CAMK2D: variants seen among roughly 807,000 people sequenced by gnomAD.
The protein encoded by CAMK2D is calcium/calmodulin dependent protein kinase II delta.
CAMK2D carries 37 observed loss-of-function variants against 84.0 expected under a neutral mutation model. The observed-to-expected ratio is 0.44, with a 90% confidence interval of 0.34 to 0.58. The LOEUF is 0.58. Among genes scored for constraint, CAMK2D ranks in the 20% least tolerant of loss-of-function variants. CAMK2D has a pLI of 0.02. For synonymous variants in CAMK2D, 202 were observed against 212.5 expected, an observed-to-expected ratio of 0.95 and a Z score of 0.43; for missense variants, 448 against 652.5, an observed-to-expected ratio of 0.69 and a Z score of 3.41.
chr4:113,523,931 A>G (rs985203321), intron 8 of CAMK2D, among the ~76,000 whole-genome samples: 2 of 152,070 alleles, frequency 1.3e-5, no homozygotes, highest in African/African-American at 4.8e-5. Context: ...TGGCATGAAC[A>G]TGGCTCACTG....
chr4:113,616,179 A>ATCCTATT (rs2099020193), intron 3 of CAMK2D, among the ~76,000 whole-genome samples: 2 of 152,184 alleles, frequency 1.3e-5, no homozygotes, highest in South Asian at 4.1e-4. Flanking sequence ...CTTAATAGGA[A>ATCCTATT]TGAAAATTAA....
At chr4:113,640,489 C>T (rs2099128180) in intron 3 of CAMK2D, among the ~76,000 whole-genome samples, 1 of 152,154 alleles carries the variant, frequency 6.6e-6, no homozygotes, top group African/African-American at 2.4e-5. Context: ...AATCCCCATC[C>T]TCAGAGAGCT....
At chr4:113,696,227 CACACAT>C (rs1471783463) in intron 2 of CAMK2D, among the ~76,000 whole-genome samples, 8 of 141,806 alleles carry the variant, frequency 5.6e-5, no homozygotes, top group South Asian at 4.4e-4. Flanking sequence ...CACACACACA[CACACAT>C]ACACATATAC....
At chr4:113,538,434 C>T (rs745975358) in intron 6 of CAMK2D, among the ~76,000 whole-genome samples, 26 of 151,946 alleles carry the variant, frequency 1.7e-4, no homozygotes, top group Non-Finnish European at 3.4e-4. Context: ...ACCCCAAACT[C>T]GATAAATATA....
intron 16 of CAMK2D, among the ~76,000 whole-genome samples, chr4:113,486,612 T>G (rs1303920064): frequency 6.6e-6 from 1 of 152,240 alleles, no homozygotes; most frequent in Non-Finnish European, 1.5e-5. Context: ...TACAAGAATA[T>G]TAAGCCTGAA....
rs144958209 is a variant in CAMK2D, at chr4:113,698,183, A to G, written c.161-36411T>C. Reference sequence around the variant, plus strand: ...CATGTAATTTATTGAATACTACACTAAAAATGAAAAATAAAATGGTTGTAT... The same window carrying G: ...CATGTAATTTATTGAATACTACACTGAAAATGAAAAATAAAATGGTTGTAT... On this transcript the variant is annotated intron_variant, in intron 2 of 20. Transcript: ENST00000511664. Among the ~76,000 whole-genome samples the G allele has an allele frequency of 2.2e-3, 332 of 152,246 alleles. 2 individuals are homozygous for G. The highest frequency in any genetic ancestry group is 3.8e-3 in the Non-Finnish European group (256 of 67,970).
chr4:113,504,136 TA>T (rs1216937297), intron 14 of CAMK2D, among the ~76,000 whole-genome samples: 1 of 152,204 alleles, frequency 6.6e-6, no homozygotes, highest in African/African-American at 2.4e-5. Flanking sequence ...TAAATTTATT[TA>T]AAATAACAGT....
intron 16 of CAMK2D, among the ~76,000 whole-genome samples, chr4:113,498,651 T>C (rs1334942805): frequency 6.6e-6 from 1 of 152,238 alleles, no homozygotes; most frequent in Non-Finnish European, 1.5e-5. Context: ...ATACAAATAC[T>C]ATCTCAATTT....
At chr4:113,596,156 C>G (rs2098925243) in intron 4 of CAMK2D, among the ~76,000 whole-genome samples, 1 of 152,170 alleles carries the variant, frequency 6.6e-6, no homozygotes, top group Non-Finnish European at 1.5e-5. Flanking sequence ...TTTATTTGCT[C>G]ATTCATAAGA....
chr4:113,651,322 T>C (rs1048772428), intron 3 of CAMK2D, among the ~76,000 whole-genome samples: 2 of 152,152 alleles, frequency 1.3e-5, no homozygotes, highest in African/African-American at 4.8e-5. Context: ...ATAAATCAAA[T>C]TCAGAGAGCA....
At chr4:113,609,047 A>AAAAATT in intron 4 of CAMK2D, 105 bp downstream of exon 4, 1 of 621,416 alleles carries the variant, frequency 1.6e-6, no homozygotes, top group Non-Finnish European at 3.0e-6. Context: ...ACATTAAAAA[A>AAAAATT]TATTGTAGCA....
chr4:113,647,749 A>G (rs1222202692), intron 3 of CAMK2D, among the ~76,000 whole-genome samples: 1 of 152,250 alleles, frequency 6.6e-6, no homozygotes, highest in African/African-American at 2.4e-5. Context: ...TGGGGGAAAA[A>G]TGGTTCCATC....
chr4:113,738,631 T>G (rs984712668), intron 2 of CAMK2D, among the ~76,000 whole-genome samples: 1 of 152,124 alleles, frequency 6.6e-6, no homozygotes, highest in East Asian at 1.9e-4. Context: ...TTCTTAAGAA[T>G]CCTGTCTATA....
At chr4:113,509,220 TC>T (rs2098175381) in intron 13 of CAMK2D, among the ~76,000 whole-genome samples, 1 of 152,228 alleles carries the variant, frequency 6.6e-6, no homozygotes, top group African/African-American at 2.4e-5. Flanking sequence ...CATTCTATTT[TC>T]CATACCCAAA....
chr4:113,611,450 G>T (rs1435455917), intron 3 of CAMK2D, among the ~76,000 whole-genome samples: 1 of 152,094 alleles, frequency 6.6e-6, no homozygotes. Flanking sequence ...AAGTTAAACT[G>T]AAAAGTAAAG....
intron 16 of CAMK2D, among the ~76,000 whole-genome samples, chr4:113,494,582 G>GCTGT (rs1452585262): frequency 6.6e-6 from 1 of 152,228 alleles, no homozygotes; most frequent in Non-Finnish European, 1.5e-5. Flanking sequence ...AGAGATTACT[G>GCTGT]CTGTCTTTTT....
intron 2 of CAMK2D, among the ~76,000 whole-genome samples, chr4:113,747,833 T>C (rs2099608068): frequency 6.6e-6 from 1 of 152,126 alleles, no homozygotes; most frequent in East Asian, 1.9e-4. Flanking sequence ...CTTGCCATAC[T>C]TAATGATTCG....
chr4:113,586,611 C>A (rs13149836), intron 4 of CAMK2D, among the ~76,000 whole-genome samples: 1 of 152,116 alleles, frequency 6.6e-6, no homozygotes, highest in Non-Finnish European at 1.5e-5. Flanking sequence ...ATAGAACAAC[C>A]TAGGTTGTGA....
intron 6 of CAMK2D, among the ~76,000 whole-genome samples, chr4:113,538,185 GAA>G (rs1180483386): frequency 9.9e-5 from 15 of 151,996 alleles, no homozygotes; most frequent in African/African-American, 3.1e-4. Context: ...AGTACTATGA[GAA>G]AGATATATTT....
Sources: gnomAD v4.1 joint callset for allele counts (sites outside exome capture counted in the v4.1 genomes callset) on GRCh38, gnomAD v4.1.1 for gene constraint, MANE v1.5 for transcripts, NCBI Gene and HGNC (gene_info 2026-07-23, HGNC 2026-07-21) for gene names.